The following CIAO2A variants were observed in gnomAD, a reference collection of about 807,000 sequenced individuals.
CIAO2A encodes cytosolic iron-sulfur assembly component 2A, also known as MIP18 family protein FAM96A.
Under a neutral mutation model 22.4 loss-of-function variants are expected in CIAO2A, and 17 were observed. That is an observed-to-expected ratio of 0.76 (90% confidence interval 0.52 to 1.14). The LOEUF is 1.14. Among genes scored for constraint, CIAO2A ranks in the 50% most tolerant of loss-of-function variants. The pLI is 0.00. For missense variants in CIAO2A, 192 were observed against 191.4 expected, an observed-to-expected ratio of 1.00 and a Z score of -0.02; for synonymous variants, 74 against 72.3, an observed-to-expected ratio of 1.02 and a Z score of -0.12.
At chr15:64,084,818 C>T (rs998115869) in intron 2 of CIAO2A, among the ~76,000 whole-genome samples, 10 of 151,718 alleles carry the variant, frequency 6.6e-5, no homozygotes, top group Admixed American at 3.3e-4. Context: ...TTCGGTCAGG[C>T]GCGGTGGCTC....
chr15:64,090,242 C>T (rs978705797), intron 1 of CIAO2A: 3 of 168,576 alleles, frequency 1.8e-5, no homozygotes, highest in African/African-American at 4.8e-5. Flanking sequence ...ACTTAGGAGA[C>T]TGAGGCAGGA....
intron 2 of CIAO2A, among the ~76,000 whole-genome samples, chr15:64,083,773 T>C (rs540717668): frequency 1.3e-5 from 2 of 151,994 alleles, no homozygotes; most frequent in South Asian, 2.1e-4. Context: ...AGAAACCCCG[T>C]CTCTATTGAA....
intron 3 of CIAO2A, among the ~76,000 whole-genome samples, chr15:64,079,631 G>C (rs936564196): frequency 6.6e-6 from 1 of 152,204 alleles, no homozygotes; most frequent in Non-Finnish European, 1.5e-5. Flanking sequence ...CAGCCAGGTA[G>C]AGAAGGCATA....
chr15:64,087,800 C>G (rs2080809705), intron 2 of CIAO2A, among the ~76,000 whole-genome samples: 1 of 152,200 alleles, frequency 6.6e-6, no homozygotes, highest in Admixed American at 6.5e-5. Context: ...ACCCTTTCCC[C>G]CATCTGCCCA....
At chr15:64,081,195 C>T (rs1203171253) in intron 2 of CIAO2A, 44 bp from the exon 3 acceptor site, 1 of 1,571,576 alleles carries the variant, frequency 6.4e-7, no homozygotes. Context: ...TTTATTGCTT[C>T]TTATTGGTTC....
chr15:64,086,377 G>A (rs538414832), intron 2 of CIAO2A, among the ~76,000 whole-genome samples: 10 of 151,940 alleles, frequency 6.6e-5, no homozygotes, highest in East Asian at 3.9e-4. Flanking sequence ...GCACCATTGC[G>A]CTCCAGCCTG....
At chr15:64,083,231 A>G (rs1432844180) in intron 2 of CIAO2A, among the ~76,000 whole-genome samples, 2 of 151,804 alleles carry the variant, frequency 1.3e-5, no homozygotes, top group Non-Finnish European at 2.9e-5. Flanking sequence ...TTACTATTTT[A>G]TACTATTTTA....
chr15:64,082,058 C>T (rs1343590884), intron 2 of CIAO2A, among the ~76,000 whole-genome samples: 1 of 152,128 alleles, frequency 6.6e-6, no homozygotes, highest in African/African-American at 2.4e-5. Flanking sequence ...AACCATACAG[C>T]AATACAGCAA....
At position 64,072,697 on chromosome 15, in the gene CIAO2A, A is replaced by G. The variant is rs776189751; in HGVS notation, c.*234T>C. 7.5e-5 allele frequency: 27 copies of G among 359,042 alleles called. No homozygotes were observed. Among genetic ancestry groups the G allele is most frequent in the African/African-American group, 1.3e-4 (6 of 47,876 alleles). The allele number at this position is 359,042 out of a possible 1,614,324, so 22.2% of individuals were successfully genotyped here. ...AAAAATAGCAACTCATCTTGCACAT[A>G]ATAACTAGAAAATATTATTCTGTCT... On this transcript the variant is annotated 3_prime_UTR_variant, in exon 5 of 5. Coordinates refer to ENST00000300030, the MANE Select transcript of CIAO2A (RefSeq NM_032231.7).
chr15:64,081,699 G>C (rs994066048), intron 2 of CIAO2A, among the ~76,000 whole-genome samples: 2 of 151,860 alleles, frequency 1.3e-5, no homozygotes, highest in Non-Finnish European at 2.9e-5. Context: ...ACCACACCCA[G>C]TTAATTTTTA....
chr15:64,081,545 T>C (rs947861626), intron 2 of CIAO2A, among the ~76,000 whole-genome samples: 2 of 150,222 alleles, frequency 1.3e-5, no homozygotes, highest in Non-Finnish European at 3.0e-5. Context: ...CTTTTTTTTT[T>C]TTTTTTTTTT....
chr15:64,088,881 A>G lies in CIAO2A; in HGVS notation c.125-30T>C, dbSNP rs751060921. 12 of 1,581,304 alleles carry G rather than the reference A, an allele frequency of 7.6e-6. No individual in the cohort carries two copies. In the East Asian group the frequency reaches 2.7e-4, roughly 36 times the overall value. ...AGAATCATCAGAGATAAGATATTCTATTAAAACATGACTATTCTAAATAAA... is the reference window on the plus strand; with the variant it reads ...AGAATCATCAGAGATAAGATATTCTGTTAAAACATGACTATTCTAAATAAA... On this transcript the variant is annotated intron_variant, in intron 1 of 4. Transcript: ENST00000300030.
chr15:64,088,955 G>A, intron 1 of CIAO2A, 104 bp from the exon 2 acceptor site: 1 of 1,028,282 alleles, frequency 9.7e-7, no homozygotes, highest in South Asian at 1.6e-5. Context: ...TTACGTTTAA[G>A]CAAATAGTAC....
chr15:64,073,386 A>G (rs1189010342), intron 4 of CIAO2A, among the ~76,000 whole-genome samples: 3 of 152,238 alleles, frequency 2.0e-5, no homozygotes, highest in Non-Finnish European at 4.4e-5. Flanking sequence ...TAAGTGTTCT[A>G]AAGTAATTAT....
rs562284243 is a variant in CIAO2A at position 64,075,474 on chromosome 15, G to A, written c.385+18C>T. ...CTATCTGAAGTTGTTTTTCAATTATGTTTCAACATTCACTTACTGTCTTCT... is the reference window on the plus strand; with the variant it reads ...CTATCTGAAGTTGTTTTTCAATTATATTTCAACATTCACTTACTGTCTTCT... On this transcript the variant is annotated intron_variant, in intron 4 of 4. Coordinates refer to ENST00000300030, the MANE Select transcript of CIAO2A (RefSeq NM_032231.7). 2.0e-5 allele frequency: 30 copies of A among 1,516,334 alleles called. 1 individual carries two copies. The highest frequency in any genetic ancestry group is 2.0e-4 in the African/African-American group (14 of 70,786). 93.9% of individuals were successfully genotyped at this position (1,516,334 alleles called of 1,614,324 possible). A position where few individuals can be genotyped will look rare whatever the true frequency, so the allele number is the denominator to read the frequency against.
At chr15:64,085,732 G>A (rs957588508) in intron 2 of CIAO2A, among the ~76,000 whole-genome samples, 4 of 151,042 alleles carry the variant, frequency 2.6e-5, no homozygotes, top group South Asian at 2.1e-4. Context: ...TTTTTGAGAC[G>A]GAGTCTCGCA....
chr15:64,081,000 T>C (rs2080755300), intron 3 of CIAO2A, 102 bp downstream of exon 3: 2 of 1,150,942 alleles, frequency 1.7e-6, no homozygotes, highest in African/African-American at 1.6e-5. Context: ...CAAAAACCAC[T>C]GAATTGGTAC....
At chr15:64,087,471 T>C (rs1037948025) in intron 2 of CIAO2A, among the ~76,000 whole-genome samples, 14 of 151,762 alleles carry the variant, frequency 9.2e-5, no homozygotes, top group African/African-American at 2.2e-4. Flanking sequence ...TCAAGTGATC[T>C]ACCCACCTTG....
intron 1 of CIAO2A, among the ~76,000 whole-genome samples, chr15:64,089,829 G>A (rs1210391106): frequency 6.6e-6 from 1 of 152,184 alleles, no homozygotes; most frequent in Non-Finnish European, 1.5e-5. Flanking sequence ...GAAACAGAAC[G>A]AGGAAGAAAT....
Sources: allele counts gnomAD v4.1 joint callset (sites outside exome capture counted in the v4.1 genomes callset), GRCh38; gene constraint gnomAD v4.1.1; transcripts MANE v1.5; gene names NCBI Gene and HGNC (gene_info 2026-07-23, HGNC 2026-07-21).